The following LRRK1 variants were observed in gnomAD, a reference collection of about 807,000 sequenced individuals.
LRRK1 encodes the protein leucine rich repeat kinase 1.
In LRRK1, 113 loss-of-function variants were observed where a neutral mutation model predicts 209.1. The ratio of observed to expected loss-of-function variants is 0.54; its 90% CI spans 0.46 to 0.63. The LOEUF is 0.63. Ranked by LOEUF, LRRK1 falls within the 30% of genes least tolerant of loss-of-function variation. The probability of loss-of-function intolerance (pLI) is 0.00; values close to 1 mark genes in which losing one functional copy is unlikely to be tolerated. For synonymous variants in LRRK1, 1,144 were observed against 1,099.7 expected (o/e 1.04, Z -0.80); for missense variants, 2,284 against 2,632.2 (o/e 0.87, Z 2.89).
At chr15:101,048,735 C>T (rs1377161450) in intron 22 of LRRK1, 78 bp downstream of exon 22, 3 of 1,247,476 alleles carry the variant, frequency 2.4e-6, no homozygotes, top group Admixed American at 5.8e-5. Context: ...AGCAGGATGC[C>T]TCATCCTCTT....
In LRRK1 at chr15:101,037,243, G is replaced by A. The variant is rs556199092; in HGVS notation, c.2963+8011G>A. Among the ~76,000 whole-genome samples, 788 of 152,324 alleles carry A rather than the reference G, an allele frequency of 5.2e-3. 4 individuals carry two copies. The highest frequency in any genetic ancestry group is 0.018 in the African/African-American group (765 of 41,580). ...GTGCATGCTGGTATTGGCAGTGGCT[G>A]CAATGGGCTGGTTGGGCTTGTGCAC... On this transcript the variant is annotated intron_variant, in intron 20 of 33. Transcript: ENST00000388948.
intron 2 of LRRK1, among the ~76,000 whole-genome samples, chr15:100,943,032 G>C (rs982859527): frequency 6.6e-6 from 1 of 152,150 alleles, no homozygotes; most frequent in African/African-American, 2.4e-5. Context: ...ACTCAGAAGT[G>C]ACTTAATAAA....
Position 101,069,087 on chromosome 15 carries a change from C to T in LRRK1, c.*239C>T. 2.5e-6 allele frequency: 1 copy of T among 402,104 alleles called. No homozygotes were observed. The highest frequency in any genetic ancestry group is 4.4e-6 in the Non-Finnish European group (1 of 225,700). 24.9% of individuals were successfully genotyped at this position (402,104 alleles called of 1,614,324 possible). On this transcript the variant is annotated 3_prime_UTR_variant, in exon 34 of 34. Transcript: ENST00000388948. ...CCCCCAACTGCTGATTTTACAGCCC[C>T]AGGGAAGACAGTGGTATCAGGCTGG...
At chr15:100,942,222 G>A (rs563587260) in intron 2 of LRRK1, among the ~76,000 whole-genome samples, 3 of 152,130 alleles carry the variant, frequency 2.0e-5, no homozygotes, top group East Asian at 1.9e-4. Flanking sequence ...GGAAGGAACC[G>A]GGTTCAAATC....
intron 32 of LRRK1, 64 bp downstream of exon 32, chr15:101,066,269 G>A: frequency 6.6e-7 from 1 of 1,523,292 alleles, no homozygotes; most frequent in Non-Finnish European, 8.8e-7. Context: ...TGGGGACAGA[G>A]CAAGGGGAAG....
chr15:101,055,143 C>T lies in LRRK1; in HGVS notation c.4252C>T (p.His1418Tyr). The change falls in exon 27 of 34, where the codon CAT becomes TAT. Residue 1418 changes from histidine (H) to tyrosine (Y), a missense_variant. By Grantham distance (83) the His-to-Tyr change is moderately conservative. This residue lies in a region of LRRK1 where 59 missense variants were observed against 103.8 expected (regional missense o/e 0.57). Transcript: ENST00000388948. Reference sequence around the variant, plus strand: ...CTACGGGATTTCGAGGCAGTCATTCCATGAGGGCGCCCTAGGCGTGGAGGG... The same window carrying T: ...CTACGGGATTTCGAGGCAGTCATTCTATGAGGGCGCCCTAGGCGTGGAGGG... ...SDYGISRQSF[H>Y]EGALGVEGTP... 6.2e-7 allele frequency: 1 copy of T among 1,613,622 alleles called. No homozygotes were observed. The highest frequency in any genetic ancestry group is 8.5e-7 in the Non-Finnish European group (1 of 1,179,714).
intron 21 of LRRK1, among the ~76,000 whole-genome samples, chr15:101,047,382 C>T (rs62021236): frequency 0.013 from 1,994 of 152,324 alleles, 18 homozygotes; most frequent in Non-Finnish European, 0.019. Context: ...CCTACGTTCC[C>T]ATTCCTCTGC....
chr15:101,062,250 T>C, intron 30 of LRRK1: 1 of 255,670 alleles, frequency 3.9e-6, no homozygotes, highest in Non-Finnish European at 7.6e-6. Flanking sequence ...CATTGCGGCG[T>C]GAGTCCACTT....
chr15:100,969,787 G>A (rs2030736039), intron 2 of LRRK1, among the ~76,000 whole-genome samples: 1 of 152,066 alleles, frequency 6.6e-6, no homozygotes, highest in South Asian at 2.1e-4. Context: ...GAGGATAATG[G>A]CTTCCAACTC....
chr15:100,983,676 A>G lies in LRRK1; in HGVS notation c.410A>G (p.Gln137Arg), dbSNP rs201198678. ...TATTTTGGACACACGGCAGTTGTGC[A>G]GGAATTGCTTGAGTCCTTACCAGGT... is the stretch of plus-strand genomic sequence containing the variant. The part of the protein sequence containing the change: ...AAYFGHTAVV[Q>R]ELLESLPGPC... Residue 137 changes from glutamine (Q) to arginine (R), a missense_variant, in exon 4 of 34, where the codon CAG (glutamine) becomes CGG (arginine). Coordinates refer to ENST00000388948, the MANE Select transcript of LRRK1 (RefSeq NM_024652.6). 55 of 1,609,048 alleles carry G rather than the reference A, an allele frequency of 3.4e-5. No homozygotes were observed. The highest frequency in any genetic ancestry group is 3.8e-5 in the Non-Finnish European group (45 of 1,176,856).
intron 2 of LRRK1, among the ~76,000 whole-genome samples, chr15:100,928,033 G>A (rs1377790358): frequency 6.6e-6 from 1 of 152,224 alleles, no homozygotes; most frequent in African/African-American, 2.4e-5. Context: ...CTGTGTGCTG[G>A]GATTGCAGTC....
intron 2 of LRRK1, among the ~76,000 whole-genome samples, chr15:100,934,558 A>G (rs909871835): frequency 6.7e-6 from 1 of 148,772 alleles, no homozygotes; most frequent in Non-Finnish European, 1.5e-5. Context: ...TGGGAGGCCA[A>G]GCAAGTGGAT....
chr15:101,062,901 C>A (rs1316868149), intron 31 of LRRK1, among the ~76,000 whole-genome samples: 2 of 152,184 alleles, frequency 1.3e-5, no homozygotes, highest in African/African-American at 2.4e-5. Flanking sequence ...AAGTCCCCAG[C>A]CAGACTGCAG....
rs149295889 is a variant in LRRK1 at position 101,062,937 on chromosome 15, T to C, written c.4914+247T>C. ...GCCGAATGAAAAACCCCCTTTCACA[T>C]GCAAATGCCCTGACTCAGGTGGAAG... On this transcript the variant is annotated intron_variant, in intron 31 of 33. Coordinates refer to ENST00000388948, the MANE Select transcript of LRRK1 (RefSeq NM_024652.6). Among the ~76,000 whole-genome samples the C allele has an allele frequency of 5.1e-4, 78 of 152,256 alleles. 4 individuals carry two copies. The East Asian group carries it at 0.014, about 27-fold the overall frequency.
rs758858800 is a variant in LRRK1 at position 101,026,036 on chromosome 15, G to A, written c.2304G>A (p.Val768=). 1.2e-6 allele frequency: 2 copies of A among 1,614,270 alleles called. No homozygotes were observed. Among genetic ancestry groups the A allele is most frequent in the East Asian group, 2.2e-5 (1 of 44,886 alleles). Residue 768 remains valine, a synonymous_variant, in exon 17 of 34, where the codon GTG becomes GTA. Transcript: ENST00000388948. The part of the protein sequence containing the change: ...HLDLIEAKFR[V]ERIATLRAYV... Reference sequence around the variant, plus strand: ...ATTTAATTGAAGCCAAGTTCCGTGTGGAAAGGATTGCAACGCTGCGTGCCT... The same window carrying A: ...ATTTAATTGAAGCCAAGTTCCGTGTAGAAAGGATTGCAACGCTGCGTGCCT...
chr15:101,025,870 A>C (rs2034003737), intron 16 of LRRK1, 95 bp from the exon 17 acceptor site: 4 of 1,367,802 alleles, frequency 2.9e-6, no homozygotes, highest in Admixed American at 3.8e-5. Context: ...GGGCCGTGGC[A>C]TCCAGGGTCA....
Position 101,015,387 on chromosome 15 carries a change from T to C in LRRK1, c.1594T>C (p.Ser532Pro), listed in dbSNP as rs2033484883. 6.2e-7 allele frequency: 1 copy of C among 1,613,430 alleles called. No homozygotes were observed. The change falls in exon 12 of 34, where the codon TCC becomes CCC. Residue 532 changes from serine to proline, a missense_variant. Ser to Pro is a moderately conservative substitution (Grantham distance 74). Transcript: ENST00000388948. ...AFFTTRGRQR[S>P]GTEAASVLEF... is the part of the protein sequence containing the mutation. The stretch of plus-strand genomic sequence containing the variant: ...TTTCACCACCAGAGGTCGCCAGCGC[T>C]CCGGGACTGAGGCAGGTGTGTGTGG...
chr15:100,973,755 C>T, intron 2 of LRRK1, 49 bp from the exon 3 acceptor site: 1 of 1,256,838 alleles, frequency 8.0e-7, no homozygotes, highest in East Asian at 3.2e-5. Flanking sequence ...CTCAAGAGCA[C>T]GCGGGCAGTG....
intron 2 of LRRK1, among the ~76,000 whole-genome samples, chr15:100,926,740 A>C (rs2042123143): frequency 8.0e-6 from 1 of 124,494 alleles, no homozygotes; most frequent in African/African-American, 3.2e-5. Context: ...GCTGGAGTGC[A>C]GTAGCATGAC....
Sources: allele counts gnomAD v4.1 joint callset (sites outside exome capture counted in the v4.1 genomes callset), GRCh38; gene constraint gnomAD v4.1.1; regional missense constraint gnomAD v4.1.1; transcripts MANE v1.5; gene names NCBI Gene and HGNC (gene_info 2026-07-23, HGNC 2026-07-21).